Variants in MACROD2 observed in about 807,000 individuals in gnomAD.
The protein encoded by MACROD2 is ADP-ribose glycohydrolase MACROD2.
MACROD2 carries 36 observed loss-of-function variants against 70.4 expected under a neutral mutation model. That is an observed-to-expected ratio of 0.51 (90% CI 0.39 to 0.68). MACROD2 has a LOEUF of 0.68. Ranked by LOEUF, MACROD2 falls within the 30% of genes least tolerant of loss-of-function variation. The pLI, the probability that MACROD2 is intolerant of heterozygous loss-of-function variation, is 0.00. For missense variants in MACROD2, 496 were observed against 538.4 expected (o/e 0.92, Z 0.78); for synonymous variants, 172 against 178.8 (o/e 0.96, Z 0.30).
At chr20:13,998,327 A>AT (rs1236316358) in intron 1 of MACROD2, among the ~76,000 whole-genome samples, 4 of 151,950 alleles carry the variant, frequency 2.6e-5, no homozygotes, top group Non-Finnish European at 5.9e-5. Flanking sequence ...ATTGCAACTT[A>AT]TTTCATTGTT....
At position 14,599,422 on chromosome 20, in the gene MACROD2, G is replaced by T. The variant is rs549129310; in HGVS notation, c.302-85421G>T. Among the ~76,000 whole-genome samples the T allele has an allele frequency of 2.0e-5, 3 of 152,260 alleles. No individual in the cohort carries two copies. The East Asian group carries it at 5.8e-4, about 29-fold the overall frequency. ...GGTAGAATTCTGAAAGACATCAGTG[G>T]AGTAAAGGATATCCGGGTAGTCAAG... On this transcript the variant is annotated intron_variant, in intron 4 of 17. Transcript: ENST00000684519.
At chr20:14,027,384 T>C (rs2053185286) in intron 2 of MACROD2, among the ~76,000 whole-genome samples, 2 of 152,128 alleles carry the variant, frequency 1.3e-5, no homozygotes, top group African/African-American at 4.8e-5. Flanking sequence ...GTTTCTTAGC[T>C]TCCTTGCATT....
intron 3 of MACROD2, among the ~76,000 whole-genome samples, chr20:14,190,699 T>TATATATATATATA (rs1491544961): frequency 4.5e-4 from 7 of 15,706 alleles, no homozygotes; most frequent in African/African-American, 8.9e-4. Context: ...TATATATATA[T>TATATATATATATA]TTTTTTTTTT....
At chr20:15,091,850 A>G (rs1028073390) in intron 5 of MACROD2, among the ~76,000 whole-genome samples, 2 of 152,200 alleles carry the variant, frequency 1.3e-5, no homozygotes, top group African/African-American at 4.8e-5. Flanking sequence ...GCAATGCATT[A>G]TTCACTAGTA....
chr20:14,945,148 G>A (rs1305672356), intron 5 of MACROD2, among the ~76,000 whole-genome samples: 12 of 149,492 alleles, frequency 8.0e-5, no homozygotes, highest in South Asian at 4.2e-4. Flanking sequence ...ACTGAGTCTC[G>A]CTCTACTGCC....
chr20:15,558,146 C>T (rs1304831996), intron 8 of MACROD2, among the ~76,000 whole-genome samples: 3 of 152,214 alleles, frequency 2.0e-5, no homozygotes, highest in Admixed American at 6.5e-5. Flanking sequence ...TTCATTAGAT[C>T]CTGGCCCAAA....
At chr20:14,106,981 C>A (rs1255647512) in intron 3 of MACROD2, among the ~76,000 whole-genome samples, 1 of 152,054 alleles carries the variant, frequency 6.6e-6, no homozygotes, top group Non-Finnish European at 1.5e-5. Context: ...TCTTTAGTGC[C>A]CAGACACCAG....
chr20:14,944,886 A>G (rs532722666), intron 5 of MACROD2, among the ~76,000 whole-genome samples: 102 of 152,100 alleles, frequency 6.7e-4, no homozygotes, highest in African/African-American at 2.4e-3. Flanking sequence ...AACTTCCACC[A>G]TGACTTTTCT....
At chr20:14,275,132 T>C (rs1294097313) in intron 3 of MACROD2, among the ~76,000 whole-genome samples, 3 of 151,824 alleles carry the variant, frequency 2.0e-5, no homozygotes, top group African/African-American at 4.8e-5. Flanking sequence ...AAAAACTACT[T>C]TAAACTTCAT....
chr20:15,092,095 G>A (rs565353641), intron 5 of MACROD2, among the ~76,000 whole-genome samples: 33 of 152,160 alleles, frequency 2.2e-4, no homozygotes, highest in Admixed American at 1.1e-3. Flanking sequence ...TTATATTGCC[G>A]TTTCTTTTTT....
At chr20:14,705,883 C>T (rs181227494) in intron 5 of MACROD2, among the ~76,000 whole-genome samples, 274 of 152,108 alleles carry the variant, frequency 1.8e-3, no homozygotes, top group African/African-American at 6.2e-3. Flanking sequence ...GATTTTCTTT[C>T]CTTCTCTTCC....
At chr20:14,467,412 C>A (rs1429917134) in intron 3 of MACROD2, among the ~76,000 whole-genome samples, 1 of 152,078 alleles carries the variant, frequency 6.6e-6, no homozygotes, top group South Asian at 2.1e-4. Flanking sequence ...GGGAGTGATC[C>A]GATTTTCCAG....
At chr20:15,493,193 A>C (rs2047253674) in intron 7 of MACROD2, among the ~76,000 whole-genome samples, 1 of 152,194 alleles carries the variant, frequency 6.6e-6, no homozygotes, top group Non-Finnish European at 1.5e-5. Context: ...GCCTTCTTAC[A>C]AACTGCAAGA....
intron 4 of MACROD2, among the ~76,000 whole-genome samples, chr20:14,663,455 C>A (rs1418209520): frequency 6.6e-6 from 1 of 150,980 alleles, no homozygotes; most frequent in Non-Finnish European, 1.5e-5. Context: ...TATAACAAAC[C>A]TGCACATGTA....
At chr20:14,147,997 AT>A (rs1158958721) in intron 3 of MACROD2, among the ~76,000 whole-genome samples, 1 of 152,120 alleles carries the variant, frequency 6.6e-6, no homozygotes, top group Non-Finnish European at 1.5e-5. Context: ...TAAGAATTTG[AT>A]TTTTTACCTT....
intron 13 of MACROD2, among the ~76,000 whole-genome samples, chr20:15,982,613 AG>A (rs1289923940): frequency 1.3e-5 from 2 of 152,122 alleles, no homozygotes; most frequent in Non-Finnish European, 2.9e-5. Context: ...GGCCTACTAG[AG>A]TAAACTGAGT....
intron 3 of MACROD2, chr20:14,352,473 T>G (rs1443323389): frequency 6.6e-6 from 1 of 152,148 alleles, no homozygotes; most frequent in Non-Finnish European, 1.5e-5. Flanking sequence ...ATTATGTATA[T>G]TTATTAGGAT....
At chr20:15,302,377 CA>C in intron 6 of MACROD2, among the ~76,000 whole-genome samples, 1 of 32,866 alleles carries the variant, frequency 3.0e-5, no homozygotes, top group Admixed American at 3.4e-4. Context: ...CACACACACA[CA>C]CACATACACA....
intron 5 of MACROD2, among the ~76,000 whole-genome samples, chr20:14,961,685 A>G (rs1453811806): frequency 1.3e-5 from 2 of 152,102 alleles, no homozygotes; most frequent in Non-Finnish European, 2.9e-5. Flanking sequence ...CCAAAGTGCA[A>G]GGATTACAGG....
Sources: allele counts gnomAD v4.1 joint callset (sites outside exome capture counted in the v4.1 genomes callset), GRCh38; gene constraint gnomAD v4.1.1; transcripts MANE v1.5; gene names NCBI Gene and HGNC (gene_info 2026-07-23, HGNC 2026-07-21).